RNF25: variants seen among roughly 807,000 people sequenced by gnomAD.
RNF25 encodes the protein E3 ubiquitin-protein ligase RNF25.
In RNF25, 32 loss-of-function variants were observed where a neutral mutation model predicts 65.0. The ratio of observed to expected loss-of-function variants is 0.49; its 90% CI spans 0.37 to 0.66. RNF25 has a LOEUF of 0.66. RNF25 is among the 30% of genes least tolerant of loss of function. The pLI, the probability that RNF25 is intolerant of heterozygous loss-of-function variation, is 0.00. For synonymous variants in RNF25, 207 were observed against 221.2 expected (o/e 0.94, Z 0.57); for missense variants, 493 against 584.8 (o/e 0.84, Z 1.62).
At position 218,666,133 on chromosome 2, in the gene RNF25, TG is replaced by T. The variant is rs1433419787; in HGVS notation, c.429+25del. ...CCTCATCTGCTGGTCCCAAACAGAA[TG>T]CCAGGTCCCAAGAGAGAAACCCACC... On this transcript the variant is annotated intron_variant, in intron 6 of 9. Coordinates refer to ENST00000295704, the MANE Select transcript of RNF25 (RefSeq NM_022453.3). The T allele has an allele frequency of 1.9e-6, 3 of 1,612,840 alleles. No individual in the cohort carries two copies. In the South Asian group the frequency reaches 3.3e-5, roughly 18 times the overall value.
chr2:218,668,860 G>GA (rs1939892836), intron 1 of RNF25, among the ~76,000 whole-genome samples, 181 bp from the exon 2 acceptor site: 1 of 152,234 alleles, frequency 6.6e-6, no homozygotes, highest in African/African-American at 2.4e-5. Context: ...AGAAGGCATG[G>GA]AAATCAGAAT....
At chr2:218,671,896 G>C in intron 1 of RNF25, 34 bp downstream of exon 1, 1 of 1,613,756 alleles carries the variant, frequency 6.2e-7, no homozygotes, top group Non-Finnish European at 8.5e-7. Flanking sequence ...ACTAGATCCA[G>C]GCTGTCAGCC....
chr2:218,668,176 G>A, intron 3 of RNF25, 30 bp from the exon 4 acceptor site: 1 of 1,613,414 alleles, frequency 6.2e-7, no homozygotes, highest in Non-Finnish European at 8.5e-7. Context: ...AGTTACTGCT[G>A]AAGCGGTCCA....
At chr2:218,667,359 T>TC in intron 5 of RNF25, among the ~76,000 whole-genome samples, 1 of 151,148 alleles carries the variant, frequency 6.6e-6, no homozygotes, top group East Asian at 1.9e-4. Context: ...CTTTTTCTTT[T>TC]TTTTTTTTTT....
At position 218,664,156 on chromosome 2, in the gene RNF25, A is replaced by G. The variant is rs1481696212; in HGVS notation, c.1181T>C (p.Val394Ala). Residue 394 changes from valine to alanine, a missense_variant, in exon 10 of 10, where the codon GTT becomes GCT. Transcript: ENST00000295704. The surrounding 1 kb of genome is among the most constrained non-coding windows in gnomAD (Gnocchi z 5.1). Reference sequence around the variant, plus strand: ...CCCCTTCTCTTGTGGAGGACCTTCAACTCCTTGGCTATGGGGTTCTGGCTT... The same window carrying G: ...CCCCTTCTCTTGTGGAGGACCTTCAGCTCCTTGGCTATGGGGTTCTGGCTT... ...DLKPEPHSQG[V>A]EGPPQEKGPG... The G allele has an allele frequency of 6.5e-7, 1 of 1,548,870 alleles. No homozygotes were observed. Among genetic ancestry groups the G allele is most frequent in the Non-Finnish European group, 8.7e-7 (1 of 1,152,232 alleles).
rs200445053 is a variant in RNF25 at position 218,665,952 on chromosome 2, C to T, written c.537G>A (p.Glu179=). 1 of 1,614,108 alleles carries T rather than the reference C, an allele frequency of 6.2e-7. No individual in the cohort carries two copies. The highest frequency in any genetic ancestry group is 8.5e-7 in the Non-Finnish European group (1 of 1,180,004). ...MEQELKAQGQ[E]QEQERQHATT... is the part of the protein sequence containing the mutation. ...TAGCATGCTGCCGTTCCTGTTCCTG[C>T]TCCTGTCCTTGTGCCTTCAGCTCTT... The change falls in exon 7 of 10, where the codon GAG becomes GAA. Residue 179 remains glutamate (E), a synonymous_variant. Coordinates refer to ENST00000295704, the MANE Select transcript of RNF25 (RefSeq NM_022453.3).
At chr2:218,669,890 C>G (rs946155276) in intron 1 of RNF25, among the ~76,000 whole-genome samples, 2 of 152,154 alleles carry the variant, frequency 1.3e-5, no homozygotes, top group African/African-American at 4.8e-5. Flanking sequence ...CTCATTGTTG[C>G]TGTCTCCATG....
intron 5 of RNF25, 113 bp from the exon 6 acceptor site, chr2:218,666,343 T>C: frequency 1.3e-6 from 1 of 787,476 alleles, no homozygotes; most frequent in Non-Finnish European, 2.1e-6. Flanking sequence ...GGCCAGTTTG[T>C]TACCTTGTGT....
In RNF25 at chr2:218,666,015, G is replaced by A. The variant is rs181082264; in HGVS notation, c.474C>T (p.His158=). 10 of 1,614,150 alleles carry A rather than the reference G, an allele frequency of 6.2e-6. No individual in the cohort carries two copies. In the East Asian group the frequency reaches 2.2e-4, roughly 36 times the overall value. ...GGATGTACCGAGCAAGGCAGTGGCA[G>A]TGGAAGTAGTGGTAACAGGGTGTTT... The part of the protein sequence containing the change: ...FTKTPCYHYF[H]CHCLARYIQH... Residue 158 remains histidine (H), a synonymous_variant, in exon 7 of 10, where the codon CAC becomes CAT. Coordinates refer to ENST00000295704, the MANE Select transcript of RNF25 (RefSeq NM_022453.3).
intron 2 of RNF25, 99 bp from the exon 3 acceptor site, chr2:218,668,440 C>T: frequency 9.9e-7 from 1 of 1,006,910 alleles, no homozygotes; most frequent in Admixed American, 1.8e-5. Context: ...AGGAAGTACA[C>T]ATTGGACTCT....
Position 218,664,300 on chromosome 2 carries a change from G to T in RNF25, c.1037C>A (p.Pro346His). 5 of 1,611,388 alleles carry T rather than the reference G, an allele frequency of 3.1e-6. No homozygotes were observed. The highest frequency in any genetic ancestry group is 4.2e-6 in the Non-Finnish European group (5 of 1,177,780). Residue 346 changes from proline (P) to histidine (H), a missense_variant, in exon 10 of 10, where the codon CCC becomes CAC. Transcript: ENST00000295704. This position sits in a 1 kb window ranked among gnomAD's most constrained non-coding sequence, Gnocchi z 5.1. ...GTGCCTCCGTTCGGGCTGTCGCCAGGGACCTCGACTGGGCTTGGGGGGATC... is the reference window on the plus strand; with the variant it reads ...GTGCCTCCGTTCGGGCTGTCGCCAGTGACCTCGACTGGGCTTGGGGGGATC... ...MLDPPKPSRG[P>H]WRQPERRHPK...
Position 218,668,106 on chromosome 2 carries a change from C to T in RNF25, c.260G>A (p.Arg87Gln). 4 of 1,613,818 alleles carry T rather than the reference C, an allele frequency of 2.5e-6. No homozygotes were observed. Among genetic ancestry groups the T allele is most frequent in the Non-Finnish European group, 3.4e-6 (4 of 1,179,898 alleles). ...GTGGATCTGTTCATCTGAAAGTCCT[C>T]GGGGATTTCGGATAGAGATCTGTGG... is the stretch of plus-strand genomic sequence containing the variant. The part of the protein sequence containing the change: ...EVPQISIRNP[R>Q]GLSDEQIHTI... Residue 87 changes from arginine to glutamine, a missense_variant, in exon 4 of 10, where the codon CGA becomes CAA. Arg to Gln is a conservative substitution (Grantham distance 43). Coordinates refer to ENST00000295704, the MANE Select transcript of RNF25 (RefSeq NM_022453.3).
Position 218,671,960 on chromosome 2 carries a change from G to A in RNF25, c.11C>T (p.Ser4Phe). The change falls in exon 1 of 10, where the codon TCT becomes TTT. Residue 4 changes from serine (S) to phenylalanine (F), a missense_variant. Physicochemically the swap from Ser to Phe is radical, Grantham distance 155 (BLOSUM62 -2). Around this residue, in one of 3 missense-constraint regions of RNF25, gnomAD observed 34 missense variants for 18.6 expected, o/e 1.83. Coordinates refer to ENST00000295704, the MANE Select transcript of RNF25 (RefSeq NM_022453.3). ...CTCCTCCCCTGCAGCTGCAGACGCA[G>A]ACGCCGCCATATCTTCACCGGCCCG... MAA[S>F]ASAAAGEEDW... 1 of 1,614,200 alleles carries A rather than the reference G, an allele frequency of 6.2e-7. No individual in the cohort carries two copies. The highest frequency in any genetic ancestry group is 8.5e-7 in the Non-Finnish European group (1 of 1,180,028).
At chr2:218,671,269 T>G (rs1207378078) in intron 1 of RNF25, among the ~76,000 whole-genome samples, 1 of 151,924 alleles carries the variant, frequency 6.6e-6, no homozygotes, top group East Asian at 1.9e-4. Context: ...ACACCCACTT[T>G]TTTTTTTTAC....
chr2:218,670,200 TAA>T (rs71403058), intron 1 of RNF25, among the ~76,000 whole-genome samples: 84 of 120,538 alleles, frequency 7.0e-4, no homozygotes, highest in Admixed American at 6.7e-4. Context: ...CTCTGTCTCT[TAA>T]AAAAAAAAAA....
chr2:218,667,998 A>C lies in RNF25; in HGVS notation c.288-17T>G. The C allele has an allele frequency of 6.2e-7, 1 of 1,614,112 alleles. No homozygotes were observed. The highest frequency in any genetic ancestry group is 8.5e-7 in the Non-Finnish European group (1 of 1,179,962). Reference sequence around the variant, plus strand: ...TGTAAGATCCTGGAGGAAGAGGGCAAACCAAATATTAGACCTGCCCATTTC... The same window carrying C: ...TGTAAGATCCTGGAGGAAGAGGGCACACCAAATATTAGACCTGCCCATTTC... On this transcript the variant is annotated splice_polypyrimidine_tract_variant and intron_variant, in intron 4 of 9. Transcript: ENST00000295704.
Position 218,664,150 on chromosome 2 carries a change from C to A in RNF25, c.1187G>T (p.Gly396Val). 1.3e-6 allele frequency: 2 copies of A among 1,542,394 alleles called. No individual in the cohort carries two copies. Among genetic ancestry groups the A allele is most frequent in the Non-Finnish European group, 1.7e-6 (2 of 1,148,122 alleles). ...KPEPHSQGVE[G>V]PPQEKGPGSW... The stretch of plus-strand genomic sequence containing the variant: ...GCCAGGCCCCTTCTCTTGTGGAGGA[C>A]CTTCAACTCCTTGGCTATGGGGTTC... The change falls in exon 10 of 10, where the codon GGT (glycine) becomes GTT (valine). Residue 396 changes from glycine (G) to valine (V), a missense_variant. By Grantham distance (109) the Gly-to-Val change is moderately radical. Around this residue, in one of 3 missense-constraint regions of RNF25, gnomAD observed 351 missense variants for 400.2 expected, o/e 0.88. Transcript: ENST00000295704. The surrounding 1 kb of genome is among the most constrained non-coding windows in gnomAD (Gnocchi z 5.1).
intron 7 of RNF25, 110 bp downstream of exon 7, chr2:218,665,806 T>C: frequency 2.2e-6 from 3 of 1,373,620 alleles, no homozygotes; most frequent in Non-Finnish European, 3.0e-6. Context: ...ATCTCAAGGG[T>C]ATCTATGACC....
intron 5 of RNF25, 56 bp downstream of exon 5, chr2:218,667,856 T>C (rs1939868387): frequency 1.3e-6 from 2 of 1,538,412 alleles, no homozygotes; most frequent in East Asian, 4.5e-5. Flanking sequence ...CTTTTACAGC[T>C]AGAAACTGCT....
Sources: gnomAD v4.1 joint callset for allele counts (sites outside exome capture counted in the v4.1 genomes callset) on GRCh38, gnomAD v4.1.1 for gene constraint, gnomAD v4.1.1 regional missense constraint, Gnocchi (gnomAD v3.1) non-coding constraint, MANE v1.5 for transcripts, NCBI Gene and HGNC (gene_info 2026-07-23, HGNC 2026-07-21) for gene names.